The following ROR1 variants were observed in gnomAD, a reference collection of about 807,000 sequenced individuals.
The protein encoded by ROR1 is inactive tyrosine-protein kinase transmembrane receptor ROR1.
Under a neutral mutation model 78.8 loss-of-function variants are expected in ROR1, and 19 were observed. That is an observed-to-expected ratio of 0.24 (90% CI 0.17 to 0.35). The LOEUF (loss-of-function observed/expected upper bound fraction) is 0.35, where lower values mean the gene tolerates loss of function less well. Among genes scored for constraint, ROR1 ranks in the 10% least tolerant of loss-of-function variants. The pLI, the probability that ROR1 is intolerant of heterozygous loss-of-function variation, is 1.00. For synonymous variants in ROR1, 386 were observed against 433.6 expected, an observed-to-expected ratio of 0.89 and a Z score of 1.36; for missense variants, 917 against 1,177.8, an observed-to-expected ratio of 0.78 and a Z score of 3.24.
At chr1:63,786,828 G>A (rs966283586) in intron 1 of ROR1, among the ~76,000 whole-genome samples, 47 of 152,074 alleles carry the variant, frequency 3.1e-4, no homozygotes, top group Non-Finnish European at 5.7e-4. Flanking sequence ...CCCAAGAGGC[G>A]CAGCTCCACC....
rs1214541241 is a variant in ROR1, at chr1:63,898,807, G to T, written c.92-110498G>T. 2.0e-5 allele frequency among the ~76,000 whole-genome samples: 3 copies of T among 152,054 alleles called. No homozygotes were observed. The East Asian group carries it at 5.8e-4, about 29-fold the overall frequency. Reference sequence around the variant, plus strand: ...GGGAGTTTTTCCCCCTGCCTAGGAGGTCAGGGAAGGCTTCCCAGAGAGACC... The same window carrying T: ...GGGAGTTTTTCCCCCTGCCTAGGAGTTCAGGGAAGGCTTCCCAGAGAGACC... On this transcript the variant is annotated intron_variant, in intron 1 of 8. Coordinates refer to ENST00000371079, the MANE Select transcript of ROR1 (RefSeq NM_005012.4).
rs909259444 is a variant in ROR1 at position 64,012,861 on chromosome 1, A to G, written c.163+3485A>G. ...AATTATATAATTGAAGAATAGAGCT[A>G]TGGAAATTAGAAGTTTATCAAATGG... is the stretch of plus-strand genomic sequence containing the variant. On this transcript the variant is annotated intron_variant, in intron 2 of 8. Transcript: ENST00000371079. Among the ~76,000 whole-genome samples, 3 of 152,042 alleles carry G rather than the reference A, an allele frequency of 2.0e-5. 1 individual carries two copies. The highest frequency in any genetic ancestry group is 3.8e-4 in the East Asian group (2 of 5,202).
intron 2 of ROR1, among the ~76,000 whole-genome samples, chr1:64,045,365 G>T (rs982615946): frequency 6.6e-6 from 1 of 151,790 alleles, no homozygotes; most frequent in Non-Finnish European, 1.5e-5. Context: ...ACTATTTTTG[G>T]TATACGCGTG....
chr1:64,086,746 C>T (rs1368725378), intron 4 of ROR1, among the ~76,000 whole-genome samples: 2 of 152,138 alleles, frequency 1.3e-5, no homozygotes, highest in African/African-American at 4.8e-5. Context: ...TCCTGTAGAA[C>T]ATCTTTATTA....
At chr1:64,008,274 G>A (rs1437683356) in intron 1 of ROR1, among the ~76,000 whole-genome samples, 1 of 152,144 alleles carries the variant, frequency 6.6e-6, no homozygotes, top group Non-Finnish European at 1.5e-5. Context: ...CTGCATCCAT[G>A]TTGCTACAAA....
chr1:64,173,833 CT>C, intron 8 of ROR1, among the ~76,000 whole-genome samples: 1 of 152,268 alleles, frequency 6.6e-6, no homozygotes, highest in East Asian at 1.9e-4. Context: ...GGCTTGCTTC[CT>C]TTACCCATCT....
chr1:64,030,732 C>T lies in ROR1; in HGVS notation c.164-18959C>T, dbSNP rs372617858. 1.6e-4 allele frequency among the ~76,000 whole-genome samples: 24 copies of T among 152,300 alleles called. 1 individual carries two copies. The highest frequency in any genetic ancestry group is 4.6e-4 in the African/African-American group (19 of 41,578). On this transcript the variant is annotated intron_variant, in intron 2 of 8. Transcript: ENST00000371079. ...AGGAATTCTCTATCCCTGACATAGA[C>T]TTAATGGAAATAGACCTATAAAACC...
At chr1:63,817,931 T>G (rs1644902029) in intron 1 of ROR1, among the ~76,000 whole-genome samples, 1 of 152,102 alleles carries the variant, frequency 6.6e-6, no homozygotes, top group Non-Finnish European at 1.5e-5. Context: ...AAATGCAGAG[T>G]GTCTCTACGG....
chr1:63,991,703 C>T (rs964076077), intron 1 of ROR1, among the ~76,000 whole-genome samples: 7 of 152,110 alleles, frequency 4.6e-5, no homozygotes, highest in Non-Finnish European at 1.0e-4. Flanking sequence ...TGATCTGCCA[C>T]CTGGGGAAGT....
intron 1 of ROR1, among the ~76,000 whole-genome samples, chr1:63,955,143 T>A (rs559994321): frequency 3.6e-4 from 55 of 152,282 alleles, no homozygotes; most frequent in Admixed American, 9.1e-4. Context: ...CTAGAGAGGT[T>A]TGGCAAACAC....
chr1:63,898,462 G>A (rs975859896), intron 1 of ROR1, among the ~76,000 whole-genome samples: 1 of 151,208 alleles, frequency 6.6e-6, no homozygotes. Context: ...GCAAAGCATG[G>A]TACCGGGTTC....
chr1:64,157,102 C>T (rs963684546), intron 7 of ROR1, among the ~76,000 whole-genome samples: 1 of 152,138 alleles, frequency 6.6e-6, no homozygotes, highest in African/African-American at 2.4e-5. Context: ...CATGATTTTG[C>T]ACCAGTAGAA....
At chr1:64,018,656 G>C (rs1646540683) in intron 2 of ROR1, among the ~76,000 whole-genome samples, 1 of 152,216 alleles carries the variant, frequency 6.6e-6, no homozygotes, top group South Asian at 2.1e-4. Flanking sequence ...AGGAAAAGCA[G>C]TATGGAGAGG....
chr1:63,830,056 C>T (rs569553602), intron 1 of ROR1, among the ~76,000 whole-genome samples: 3 of 151,882 alleles, frequency 2.0e-5, no homozygotes, highest in Admixed American at 6.6e-5. Context: ...TCTTTGAGGC[C>T]GTAGCTCATA....
intron 1 of ROR1, among the ~76,000 whole-genome samples, chr1:63,937,265 G>A (rs749428214): frequency 2.6e-5 from 4 of 152,250 alleles, no homozygotes; most frequent in Middle Eastern, 3.4e-3. Context: ...ATGTTCAGTG[G>A]CCCTGGGCCG....
chr1:63,791,651 G>A lies in ROR1; in HGVS notation c.91+17143G>A, dbSNP rs562594033. 3.9e-5 allele frequency among the ~76,000 whole-genome samples: 6 copies of A among 152,238 alleles called. No homozygotes were observed. In the South Asian group the frequency reaches 1.2e-3, roughly 32 times the overall value. ...CGATGGGCATGGTGGATGGGCATGA[G>A]GGTGGGGTTCAGGACCTTACCTAGC... On this transcript the variant is annotated intron_variant, in intron 1 of 8. Coordinates refer to ENST00000371079, the MANE Select transcript of ROR1 (RefSeq NM_005012.4).
chr1:63,943,606 A>C (rs1425191454), intron 1 of ROR1, among the ~76,000 whole-genome samples: 1 of 152,000 alleles, frequency 6.6e-6, no homozygotes, highest in Admixed American at 6.5e-5. Context: ...ACCGGGTGAG[A>C]GCTCTGTCTC....
chr1:64,026,231 T>C (rs1159655489), intron 2 of ROR1, among the ~76,000 whole-genome samples: 1 of 152,240 alleles, frequency 6.6e-6, no homozygotes, highest in African/African-American at 2.4e-5. Flanking sequence ...AAGATTGGCC[T>C]GAGTTTCTAA....
At chr1:64,025,302 C>T (rs186313727) in intron 2 of ROR1, among the ~76,000 whole-genome samples, 2 of 152,172 alleles carry the variant, frequency 1.3e-5, no homozygotes, top group East Asian at 1.9e-4. Flanking sequence ...ACGTGATTCC[C>T]GTCTTCCAGA....
Sources: gnomAD v4.1 joint callset for allele counts (sites outside exome capture counted in the v4.1 genomes callset) on GRCh38, gnomAD v4.1.1 for gene constraint, MANE v1.5 for transcripts, NCBI Gene and HGNC (gene_info 2026-07-23, HGNC 2026-07-21) for gene names.